The following UST variants were observed in gnomAD, a reference collection of about 807,000 sequenced individuals.
UST encodes the protein uronyl 2-sulfotransferase.
Under a neutral mutation model 45.6 loss-of-function variants are expected in UST, and 21 were observed. The ratio of observed to expected loss-of-function variants is 0.46; its 90% confidence interval spans 0.33 to 0.66. The LOEUF is 0.66. Among genes scored for constraint, UST ranks in the 30% least tolerant of loss-of-function variants. UST has a pLI of 0.02. For missense variants in UST, 463 were observed against 512.4 expected (o/e 0.90, Z 0.93); for synonymous variants, 215 against 200.6 (o/e 1.07, Z -0.61).
chr6:148,799,678 TC>T (rs1160088414), intron 1 of UST, among the ~76,000 whole-genome samples: 1 of 152,204 alleles, frequency 6.6e-6, no homozygotes, highest in Non-Finnish European at 1.5e-5. Flanking sequence ...TCTCTTTTTT[TC>T]TTGCCAATTT....
chr6:149,046,110 T>C (rs1475015326), intron 7 of UST, among the ~76,000 whole-genome samples: 1 of 152,222 alleles, frequency 6.6e-6, no homozygotes, highest in East Asian at 1.9e-4. Flanking sequence ...ACAGCTTTAA[T>C]GCACTTAGAA....
intron 5 of UST, chr6:148,993,181 T>G: frequency 3.7e-6 from 2 of 537,180 alleles, no homozygotes; most frequent in Non-Finnish European, 4.8e-6. Flanking sequence ...GGCAAGAAAG[T>G]GGAATAAGAA....
At chr6:148,996,613 T>C (rs966035796) in intron 5 of UST, among the ~76,000 whole-genome samples, 29 of 152,262 alleles carry the variant, frequency 1.9e-4, no homozygotes, top group African/African-American at 7.0e-4. Context: ...ACATTTACCC[T>C]GTGGAATTGA....
intron 1 of UST, among the ~76,000 whole-genome samples, chr6:148,838,657 C>A (rs1363683129): frequency 2.6e-5 from 4 of 152,026 alleles, no homozygotes; most frequent in African/African-American, 7.2e-5. Context: ...CACTTTGGGA[C>A]CCCAAGGTGA....
At chr6:149,007,752 T>A (rs1369448059) in intron 5 of UST, among the ~76,000 whole-genome samples, 1 of 152,098 alleles carries the variant, frequency 6.6e-6, no homozygotes, top group Non-Finnish European at 1.5e-5. Flanking sequence ...ACAGGGGGTT[T>A]TTTTTTGGCT....
At chr6:148,979,228 G>A (rs1032354862) in intron 5 of UST, among the ~76,000 whole-genome samples, 6 of 152,166 alleles carry the variant, frequency 3.9e-5, no homozygotes, top group Non-Finnish European at 5.9e-5. Context: ...TCCCATGGGT[G>A]TGGTTTCCCT....
chr6:148,768,764 CT>C (rs1452138129), intron 1 of UST, among the ~76,000 whole-genome samples: 1 of 152,156 alleles, frequency 6.6e-6, no homozygotes, highest in Non-Finnish European at 1.5e-5. Context: ...TTTTAGAGGA[CT>C]TTTGAAAGCC....
chr6:149,052,766 C>T (rs1209184687), intron 7 of UST, among the ~76,000 whole-genome samples: 2 of 152,178 alleles, frequency 1.3e-5, no homozygotes, highest in African/African-American at 2.4e-5. Context: ...CATTGATATT[C>T]TAAATGTGTT....
intron 5 of UST, among the ~76,000 whole-genome samples, chr6:148,985,706 A>G (rs966576641): frequency 3.3e-5 from 5 of 152,290 alleles, no homozygotes; most frequent in Non-Finnish European, 7.4e-5. Flanking sequence ...ATGCAGAGGT[A>G]TGCGTGGGAT....
At chr6:148,878,069 GTA>G (rs1778731680) in intron 1 of UST, among the ~76,000 whole-genome samples, 1 of 133,264 alleles carries the variant, frequency 7.5e-6, no homozygotes, top group African/African-American at 2.9e-5. Context: ...ATGAGTGCGG[GTA>G]TCGTGTATGA....
intron 2 of UST, among the ~76,000 whole-genome samples, chr6:148,896,890 C>T (rs938788356): frequency 6.6e-6 from 1 of 152,098 alleles, no homozygotes; most frequent in Non-Finnish European, 1.5e-5. Flanking sequence ...TAAATGAGTA[C>T]GTCACCTCTT....
intron 7 of UST, chr6:149,066,095 G>A (rs2486411): frequency 0.24 from 36,647 of 152,534 alleles, 5,157 homozygotes; most frequent in South Asian, 0.38. Context: ...TCAGAGAGAG[G>A]TGAGGGTGCC....
At chr6:148,828,947 T>TAAAAATTAG (rs1777627251) in intron 1 of UST, among the ~76,000 whole-genome samples, 1 of 152,168 alleles carries the variant, frequency 6.6e-6, no homozygotes, top group South Asian at 2.1e-4. Context: ...GCCTCTTCCT[T>TAAAAATTAG]AAAAATTAGA....
chr6:148,782,346 TGTG>T (rs1473783709), intron 1 of UST, among the ~76,000 whole-genome samples: 1 of 152,110 alleles, frequency 6.6e-6, no homozygotes, highest in Non-Finnish European at 1.5e-5. Flanking sequence ...TAACTGCAGA[TGTG>T]GTGGAAATAG....
rs909599961 is a variant in UST at position 148,791,293 on chromosome 6, G to T, written c.247+43616G>T. On this transcript the variant is annotated intron_variant, in intron 1 of 7. Transcript: ENST00000367463. Reference sequence around the variant, plus strand: ...CTGAGGTTGAGAAACTCTGCTGAATGTATGGATGAGCATTGGTCACCAAGA... The same window carrying T: ...CTGAGGTTGAGAAACTCTGCTGAATTTATGGATGAGCATTGGTCACCAAGA... 4.6e-5 allele frequency among the ~76,000 whole-genome samples: 7 copies of T among 152,334 alleles called. No homozygotes were observed. In the South Asian group the frequency reaches 1.5e-3, roughly 32 times the overall value.
intron 5 of UST, among the ~76,000 whole-genome samples, chr6:149,013,550 T>C (rs1404815135): frequency 6.6e-6 from 1 of 151,258 alleles, no homozygotes; most frequent in African/African-American, 2.4e-5. Context: ...AAAAAAAAAG[T>C]TGGTACCAGG....
chr6:148,899,995 A>G (rs929483936), intron 2 of UST, among the ~76,000 whole-genome samples: 2 of 152,136 alleles, frequency 1.3e-5, no homozygotes, highest in Non-Finnish European at 2.9e-5. Flanking sequence ...AACTAGGTAG[A>G]CAGGAGTGAC....
rs145623639 is a variant in UST, at chr6:148,930,221, C to A, written c.292-11058C>A. Among the ~76,000 whole-genome samples, 490 of 152,286 alleles carry A rather than the reference C, an allele frequency of 3.2e-3. 1 individual carries two copies. The highest frequency in any genetic ancestry group is 0.011 in the African/African-American group (457 of 41,564). On this transcript the variant is annotated intron_variant, in intron 2 of 7. Coordinates refer to ENST00000367463, the MANE Select transcript of UST (RefSeq NM_005715.3). Reference sequence around the variant, plus strand: ...ATGGTATCAGCGCAAGCAGTGTCAGCGTTCAATTCCCTTGTTAGATTGTGA... The same window carrying A: ...ATGGTATCAGCGCAAGCAGTGTCAGAGTTCAATTCCCTTGTTAGATTGTGA...
intron 5 of UST, among the ~76,000 whole-genome samples, chr6:149,007,286 A>ATTT (rs758579779): frequency 9.9e-5 from 9 of 91,208 alleles, no homozygotes; most frequent in African/African-American, 2.3e-4. Flanking sequence ...CACCCGACCA[A>ATTT]TTTTTTTTTT....
Sources: allele counts gnomAD v4.1 joint callset (sites outside exome capture counted in the v4.1 genomes callset), GRCh38; gene constraint gnomAD v4.1.1; transcripts MANE v1.5; gene names NCBI Gene and HGNC (gene_info 2026-07-23, HGNC 2026-07-21).